Variants in LGR5 observed in about 807,000 individuals in gnomAD.
LGR5 encodes leucine-rich repeat-containing G protein-coupled receptor 5.
A neutral mutation model predicts 76.7 loss-of-function variants in LGR5; 54 were observed. The ratio of observed to expected loss-of-function variants is 0.70; its 90% CI spans 0.57 to 0.88. The LOEUF (loss-of-function observed/expected upper bound fraction) is 0.88, where lower values mean the gene tolerates loss of function less well. Among genes scored for constraint, LGR5 ranks in the 40% least tolerant of loss-of-function variants. LGR5 has a pLI of 0.00. For synonymous variants in LGR5, 406 were observed against 421.9 expected (o/e 0.96, Z 0.46); for missense variants, 1,078 against 1,073.3 (o/e 1.00, Z -0.06).
At chr12:71,583,493 T>C (rs529443076) in intron 17 of LGR5, 154 bp from the exon 18 acceptor site, 2 of 819,814 alleles carry the variant, frequency 2.4e-6, no homozygotes, top group South Asian at 1.8e-5. Flanking sequence ...GACAGTGGCT[T>C]GAGATAGTGG....
chr12:71,460,445 G>A (rs550643476), intron 1 of LGR5, among the ~76,000 whole-genome samples: 39 of 152,104 alleles, frequency 2.6e-4, no homozygotes, highest in Admixed American at 7.9e-4. Flanking sequence ...TGAGTCTCAG[G>A]GTTTTCATCT....
intron 4 of LGR5, among the ~76,000 whole-genome samples, chr12:71,549,947 A>G (rs1278963928): frequency 2.0e-5 from 3 of 152,066 alleles, no homozygotes; most frequent in Non-Finnish European, 2.9e-5. Context: ...TTCTGGGGGG[A>G]AAAGAAACGT....
chr12:71,465,482 G>C (rs548034444), intron 1 of LGR5, among the ~76,000 whole-genome samples: 1 of 152,134 alleles, frequency 6.6e-6, no homozygotes, highest in East Asian at 1.9e-4. Flanking sequence ...CATTTCTACT[G>C]TTCCAAAGAA....
chr12:71,481,495 A>G (rs1355802272), intron 1 of LGR5, among the ~76,000 whole-genome samples: 1 of 152,134 alleles, frequency 6.6e-6, no homozygotes, highest in Non-Finnish European at 1.5e-5. Context: ...TCAGTCTATC[A>G]TTGATGGGCA....
At chr12:71,580,195 A>C in intron 15 of LGR5, 83 bp from the exon 16 acceptor site, 1 of 1,308,060 alleles carries the variant, frequency 7.6e-7, no homozygotes, top group Non-Finnish European at 1.1e-6. Context: ...CAAAGGTAGA[A>C]TAATTGGGTG....
intron 2 of LGR5, among the ~76,000 whole-genome samples, chr12:71,520,427 G>C (rs79574577): frequency 0.051 from 7,729 of 152,226 alleles, 195 homozygotes; most frequent in Middle Eastern, 0.065. Flanking sequence ...TTGCTAATCA[G>C]GTATGGAGAT....
chr12:71,439,215 A>G (rs1434604674), upstream of LGR5, among the ~76,000 whole-genome samples: 1 of 152,180 alleles, frequency 6.6e-6, no homozygotes, highest in African/African-American at 2.4e-5. Context: ...ATTAGCCTAG[A>G]GCTTTGATTT....
chr12:71,550,997 G>C lies in LGR5; in HGVS notation c.429-2076G>C, dbSNP rs148089413. 7.7e-3 allele frequency among the ~76,000 whole-genome samples: 1,174 copies of C among 152,336 alleles called. 9 individuals carry two copies. Among genetic ancestry groups the C allele is most frequent in the African/African-American group, 0.027 (1,103 of 41,578 alleles). ...ACATTGTTGCTAGAGAAAGGAAAGA[G>C]AGATGGTGTTGAATTTTCTAAACAT... On this transcript the variant is annotated intron_variant, in intron 4 of 17. Transcript: ENST00000266674.
At chr12:71,575,302 A>G (rs775815696) in intron 13 of LGR5, among the ~76,000 whole-genome samples, 1 of 152,180 alleles carries the variant, frequency 6.6e-6, no homozygotes, top group Non-Finnish European at 1.5e-5. Flanking sequence ...TTATGAAAAT[A>G]AGTATATAGC....
chr12:71,556,678 G>A lies in LGR5; in HGVS notation c.704G>A (p.Ser235Asn). The change falls in exon 6 of 18, where the codon AGC becomes AAC. Residue 235 changes from serine (S) to asparagine (N), a missense_variant. By Grantham distance (46) the Ser-to-Asn change is conservative (BLOSUM62 1). Transcript: ENST00000266674. ...LGKKCFDGLH[S>N]LETLDLNYNN... Reference sequence around the variant, plus strand: ...AAGAAATGCTTTGATGGGCTCCACAGCCTAGAGACTTTGTGAGTTGACCTT... The same window carrying A: ...AAGAAATGCTTTGATGGGCTCCACAACCTAGAGACTTTGTGAGTTGACCTT... 6.2e-7 allele frequency: 1 copy of A among 1,609,904 alleles called. No homozygotes were observed. Among genetic ancestry groups the A allele is most frequent in the Non-Finnish European group, 8.5e-7 (1 of 1,176,182 alleles).
chr12:71,485,153 GA>G (rs1413502136), intron 1 of LGR5, among the ~76,000 whole-genome samples: 1 of 152,148 alleles, frequency 6.6e-6, no homozygotes, highest in African/African-American at 2.4e-5. Context: ...GTAAAAAAGA[GA>G]AAGAGAGGGA....
At chr12:71,504,833 G>C (rs936047137) in intron 2 of LGR5, 148 bp downstream of exon 2, 1 of 717,976 alleles carries the variant, frequency 1.4e-6, no homozygotes, top group African/African-American at 1.8e-5. Flanking sequence ...CACTTAGTTG[G>C]GAGGGGGCAA....
intron 2 of LGR5, among the ~76,000 whole-genome samples, chr12:71,509,336 TTAA>T (rs746498820): frequency 1.4e-4 from 21 of 152,222 alleles, no homozygotes; most frequent in Admixed American, 7.9e-4. Flanking sequence ...CAAAAAGATT[TTAA>T]CCCCCTCTTT....
intron 16 of LGR5, 136 bp from the exon 17 acceptor site, chr12:71,582,319 TA>T: frequency 4.4e-6 from 3 of 675,412 alleles, no homozygotes; most frequent in Non-Finnish European, 7.7e-6. Flanking sequence ...AACTTTATAA[TA>T]ACTTGCAAGA....
At chr12:71,530,505 T>G (rs1876250890) in intron 3 of LGR5, among the ~76,000 whole-genome samples, 1 of 152,178 alleles carries the variant, frequency 6.6e-6, no homozygotes, top group Admixed American at 6.5e-5. Flanking sequence ...AGATGGAGAA[T>G]GAAGACAGCA....
chr12:71,572,272 C>T (rs1202732075), intron 12 of LGR5, among the ~76,000 whole-genome samples: 2 of 151,950 alleles, frequency 1.3e-5, no homozygotes, highest in African/African-American at 4.8e-5. Context: ...TTACTAGAGA[C>T]GAGGTTTCAT....
Position 71,544,644 on chromosome 12 carries a change from A to C in LGR5, c.429-8429A>C, listed in dbSNP as rs1257166671. ...TGTAAGAGTACATATAGATTAAATA[A>C]TAGGCCGATAGTATTATAATAGTTC... On this transcript the variant is annotated intron_variant, in intron 4 of 17. Transcript: ENST00000266674. 2.6e-5 allele frequency among the ~76,000 whole-genome samples: 4 copies of C among 152,054 alleles called. No individual in the cohort carries two copies. In the East Asian group the frequency reaches 7.7e-4, roughly 29 times the overall value.
intron 4 of LGR5, among the ~76,000 whole-genome samples, chr12:71,545,797 C>G (rs559747597): frequency 4.0e-5 from 6 of 151,898 alleles, no homozygotes; most frequent in African/African-American, 1.5e-4. Context: ...GTATAAAGGG[C>G]CATTTTCTGG....
At chr12:71,439,507 C>T (rs1246271632), upstream of LGR5, among the ~76,000 whole-genome samples, 1 of 152,102 alleles carries the variant, frequency 6.6e-6, no homozygotes. Context: ...ATCTGGGTCT[C>T]CAGCACGCAT....
Sources: allele counts gnomAD v4.1 joint callset (sites outside exome capture counted in the v4.1 genomes callset), GRCh38; gene constraint gnomAD v4.1.1; transcripts MANE v1.5; gene names NCBI Gene and HGNC (gene_info 2026-07-23, HGNC 2026-07-21).